Variants in GPR158 observed in about 807,000 individuals in gnomAD.
The protein encoded by GPR158 is G protein-coupled receptor 158.
Under a neutral mutation model 78.2 loss-of-function variants are expected in GPR158, and 30 were observed. That is an observed-to-expected ratio of 0.38 (90% CI 0.29 to 0.52). The LOEUF (loss-of-function observed/expected upper bound fraction) is 0.52, where lower values mean the gene tolerates loss of function less well. Among genes scored for constraint, GPR158 ranks in the 20% least tolerant of loss-of-function variants. The probability of loss-of-function intolerance (pLI) is 0.83; values close to 1 mark genes in which losing one functional copy is unlikely to be tolerated. For missense variants in GPR158, 1,463 were observed against 1,523.5 expected, an observed-to-expected ratio of 0.96 and a Z score of 0.66; for synonymous variants, 581 against 591.1, an observed-to-expected ratio of 0.98 and a Z score of 0.25.
At chr10:25,304,688 A>G (rs1451234402) in intron 2 of GPR158, among the ~76,000 whole-genome samples, 2 of 152,164 alleles carry the variant, frequency 1.3e-5, no homozygotes, top group East Asian at 1.9e-4. Context: ...CACATTTTAC[A>G]TATGAGGATC....
chr10:25,380,400 T>C (rs200327809), intron 2 of GPR158, among the ~76,000 whole-genome samples: 1 of 152,218 alleles, frequency 6.6e-6, no homozygotes, highest in East Asian at 1.9e-4. Context: ...TTATATGTAC[T>C]CTCACACAAT....
intron 5 of GPR158, among the ~76,000 whole-genome samples, chr10:25,517,814 G>A (rs1253598700): frequency 2.0e-5 from 3 of 150,492 alleles, no homozygotes; most frequent in Non-Finnish European, 3.0e-5. Flanking sequence ...GTTCATCAAG[G>A]ATATTGGTCT....
At chr10:25,187,059 A>G (rs1219330025) in intron 1 of GPR158, among the ~76,000 whole-genome samples, 3 of 146,182 alleles carry the variant, frequency 2.1e-5, no homozygotes, top group African/African-American at 7.7e-5. Flanking sequence ...CCACCTCCCG[A>G]GTTCATGCCA....
At chr10:25,420,752 C>A (rs1360563152) in intron 4 of GPR158, among the ~76,000 whole-genome samples, 1 of 152,106 alleles carries the variant, frequency 6.6e-6, no homozygotes, top group Admixed American at 6.6e-5. Context: ...TCCTGTCAGC[C>A]TTGCCAAAGA....
intron 7 of GPR158, among the ~76,000 whole-genome samples, chr10:25,581,927 TG>T (rs1405655509): frequency 6.6e-6 from 1 of 152,142 alleles, no homozygotes; most frequent in Non-Finnish European, 1.5e-5. Context: ...CAGTTCCACA[TG>T]GCTGAGGAGG....
At position 25,602,223 on chromosome 10, in the gene GPR158, T is replaced by C; in HGVS notation, c.*2949T>C. 6.5e-6 allele frequency: 1 copy of C among 152,752 alleles called. No homozygotes were observed. The highest frequency in any genetic ancestry group is 2.1e-4 in the South Asian group (1 of 4,824). 9.5% of individuals were successfully genotyped at this position (152,752 alleles called of 1,614,324 possible). ...ACTTCTCTGCAATAAAACATATTTA[T>C]ATGAAAGTGATTTGTGGGGATTTGT... On this transcript the variant is annotated 3_prime_UTR_variant, in exon 11 of 11. Coordinates refer to ENST00000376351, the MANE Select transcript of GPR158 (RefSeq NM_020752.3).
intron 1 of GPR158, among the ~76,000 whole-genome samples, chr10:25,214,919 C>G (rs1178984723): frequency 6.6e-6 from 1 of 152,040 alleles, no homozygotes; most frequent in African/African-American, 2.4e-5. Flanking sequence ...TTTAAATCAC[C>G]CGGTCTGAGA....
At chr10:25,420,185 A>T (rs1615859) in intron 4 of GPR158, among the ~76,000 whole-genome samples, 67,643 of 151,590 alleles carry the variant, frequency 0.45, 16,940 homozygotes, top group Non-Finnish European at 0.59. Flanking sequence ...GGTTTTGCTC[A>T]GTTACTCAGG....
At chr10:25,309,442 A>G (rs1246932933) in intron 2 of GPR158, among the ~76,000 whole-genome samples, 1 of 152,024 alleles carries the variant, frequency 6.6e-6, no homozygotes, top group African/African-American at 2.4e-5. Context: ...TTTTCTGTAT[A>G]TTCTGGATAT....
intron 5 of GPR158, among the ~76,000 whole-genome samples, chr10:25,536,232 ATTAAT>A (rs1836499245): frequency 6.6e-6 from 1 of 152,150 alleles, no homozygotes. Context: ...TATTAAAGAT[ATTAAT>A]TTCTTTATTA....
chr10:25,320,766 A>T (rs1268107370), intron 2 of GPR158, among the ~76,000 whole-genome samples: 1 of 152,222 alleles, frequency 6.6e-6, no homozygotes, highest in African/African-American at 2.4e-5. Context: ...TGAAATTAAA[A>T]TATCATTCTG....
At chr10:25,179,065 G>T (rs564280146) in intron 1 of GPR158, among the ~76,000 whole-genome samples, 16 of 152,270 alleles carry the variant, frequency 1.1e-4, no homozygotes, top group African/African-American at 3.9e-4. Context: ...TTAAAAAAGA[G>T]ATTACATTGT....
chr10:25,186,201 T>A (rs1852682044), intron 1 of GPR158, among the ~76,000 whole-genome samples: 1 of 152,152 alleles, frequency 6.6e-6, no homozygotes, highest in Non-Finnish European at 1.5e-5. Context: ...CATATCAGAA[T>A]CTCTGGGACA....
At chr10:25,523,963 A>T (rs888272426) in intron 5 of GPR158, among the ~76,000 whole-genome samples, 3 of 152,198 alleles carry the variant, frequency 2.0e-5, no homozygotes, top group Non-Finnish European at 4.4e-5. Flanking sequence ...GATCTTTAGA[A>T]CTAATAAGTT....
chr10:25,440,479 T>C (rs1835053607), intron 4 of GPR158, among the ~76,000 whole-genome samples: 1 of 152,230 alleles, frequency 6.6e-6, no homozygotes, highest in Non-Finnish European at 1.5e-5. Context: ...ACCCTTCTAA[T>C]GGTGCCTAAG....
At chr10:25,499,765 G>A (rs955296306) in intron 5 of GPR158, among the ~76,000 whole-genome samples, 23 of 152,162 alleles carry the variant, frequency 1.5e-4, no homozygotes, top group Non-Finnish European at 5.9e-5. Context: ...CACAACAACA[G>A]CACTCCAGGC....
chr10:25,493,835 T>C (rs1928365), intron 5 of GPR158, among the ~76,000 whole-genome samples: 75,005 of 152,058 alleles, frequency 0.49, 19,169 homozygotes, highest in East Asian at 0.79. Flanking sequence ...TAATTAGACT[T>C]AACAAAACAG....
rs561596795 is a variant in GPR158 at position 25,241,594 on chromosome 10, G to A, written c.1008+20437G>A. Among the ~76,000 whole-genome samples, 24 of 151,640 alleles carry A rather than the reference G, an allele frequency of 1.6e-4. No homozygotes were observed. In the South Asian group the frequency reaches 2.7e-3, roughly 17 times the overall value. ...CACCACCATGCCTGGCTAATTTTTC[G>A]TATTTTTAGTAGAGATGGGGTTTCA... On this transcript the variant is annotated intron_variant, in intron 2 of 10. Coordinates refer to ENST00000376351, the MANE Select transcript of GPR158 (RefSeq NM_020752.3).
At chr10:25,372,869 A>C (rs1834019992) in intron 2 of GPR158, among the ~76,000 whole-genome samples, 1 of 151,552 alleles carries the variant, frequency 6.6e-6, no homozygotes, top group African/African-American at 2.4e-5. Flanking sequence ...AAAATAAATA[A>C]ATAAATAAAA....
Sources: allele counts gnomAD v4.1 joint callset (sites outside exome capture counted in the v4.1 genomes callset), GRCh38; gene constraint gnomAD v4.1.1; transcripts MANE v1.5; gene names NCBI Gene and HGNC (gene_info 2026-07-23, HGNC 2026-07-21).